ZNF189: variants seen among roughly 807,000 people sequenced by gnomAD.
The protein encoded by ZNF189 is zinc finger protein 189.
A neutral mutation model predicts 53.5 loss-of-function variants in ZNF189; 33 were observed. The ratio of observed to expected loss-of-function variants is 0.62; its 90% CI spans 0.47 to 0.82. ZNF189 has a LOEUF of 0.82. Ranked by LOEUF, ZNF189 falls within the 40% of genes least tolerant of loss-of-function variation. The pLI is 0.00. For synonymous variants in ZNF189, 247 were observed against 238.8 expected, an observed-to-expected ratio of 1.03 and a Z score of -0.32; for missense variants, 711 against 753.9, an observed-to-expected ratio of 0.94 and a Z score of 0.67.
chr9:101,409,026 A>G lies in ZNF189; in HGVS notation c.1258A>G (p.Arg420Gly). ...SRSSGLIQHQ[R>G]IHTREKTYPY... ...AAGCTCAGGTCTTATTCAGCATCAG[A>G]GAATTCACACCAGGGAGAAGACTTA... Residue 420 changes from arginine (R) to glycine (G), a missense_variant, in exon 3 of 3, where the codon AGA (arginine) becomes GGA (glycine). Physicochemically the swap from Arg to Gly is moderately radical, Grantham distance 125. Coordinates refer to ENST00000339664, the MANE Select transcript of ZNF189 (RefSeq NM_003452.4). The G allele has an allele frequency of 6.2e-7, 1 of 1,614,184 alleles. No homozygotes were observed. The highest frequency in any genetic ancestry group is 1.1e-5 in the South Asian group (1 of 91,084).
chr9:101,408,845 T>G lies in ZNF189; in HGVS notation c.1077T>G (p.Leu359=). Residue 359 remains leucine (L), a synonymous_variant, in exon 3 of 3, where the codon CTT becomes CTG. Coordinates refer to ENST00000339664, the MANE Select transcript of ZNF189 (RefSeq NM_003452.4). ...AAAGTTTCAGTCGGAGCTCATTCCT[T>G]ATTGAACATCAGAGGATCCATACTG... ...CGKSFSRSSF[L]IEHQRIHTGE... is the part of the protein sequence containing the mutation. 6.2e-7 allele frequency: 1 copy of G among 1,614,160 alleles called. No homozygotes were observed. The highest frequency in any genetic ancestry group is 8.5e-7 in the Non-Finnish European group (1 of 1,180,022).
At chr9:101,404,645 A>G (rs1277881641) in intron 2 of ZNF189, among the ~76,000 whole-genome samples, 1 of 152,198 alleles carries the variant, frequency 6.6e-6, no homozygotes, top group African/African-American at 2.4e-5. Flanking sequence ...TGTTATGATT[A>G]TATTTTCATT....
Position 101,410,405 on chromosome 9 carries a change from G to A in ZNF189, c.*756G>A, listed in dbSNP as rs1830899675. On this transcript the variant is annotated 3_prime_UTR_variant, in exon 3 of 3. Transcript: ENST00000339664. ...GAGATATTTGTAGTCCTATGTGAAT[G>A]AGCTTATCCCTCCACAACCAGGTGC... 1 of 152,514 alleles carries A rather than the reference G, an allele frequency of 6.6e-6. No individual in the cohort carries two copies. The highest frequency in any genetic ancestry group is 6.5e-5 in the Admixed American group (1 of 15,268). 9.4% of individuals were successfully genotyped at this position (152,514 alleles called of 1,614,324 possible). A position where few individuals can be genotyped will look rare whatever the true frequency, so the allele number is the denominator to read the frequency against.
At chr9:101,399,373 CTTTTT>C in intron 1 of ZNF189, 184 bp downstream of exon 1, 2 of 1,061,166 alleles carry the variant, frequency 1.9e-6, no homozygotes, top group African/African-American at 1.7e-5. Context: ...CACTGGCTCC[CTTTTT>C]TTTTTTCTTT....
chr9:101,400,858 A>G (rs568982219), intron 2 of ZNF189, among the ~76,000 whole-genome samples: 1 of 152,334 alleles, frequency 6.6e-6, no homozygotes, highest in South Asian at 2.1e-4. Flanking sequence ...GGTAACCAAA[A>G]CAGACAGGCT....
chr9:101,403,911 C>CT (rs1830622783), intron 2 of ZNF189, among the ~76,000 whole-genome samples: 1 of 152,138 alleles, frequency 6.6e-6, no homozygotes, highest in African/African-American at 2.4e-5. Flanking sequence ...CTTTTTTCTC[C>CT]TTGACGGTTT....
At position 101,409,665 on chromosome 9, in the gene ZNF189, TA is replaced by T; in HGVS notation, c.*18del. ...GATGCAATAAATGTAGAGCAATACA[TA>T]AGCTCAATTTGATTTGAGACTAGTA... On this transcript the variant is annotated 3_prime_UTR_variant, in exon 3 of 3. Transcript: ENST00000339664. The T allele has an allele frequency of 6.4e-7, 1 of 1,574,606 alleles. No homozygotes were observed. The highest frequency in any genetic ancestry group is 1.2e-5 in the South Asian group (1 of 84,530).
Position 101,400,030 on chromosome 9 carries a change from C to G in ZNF189, c.160+20C>G. 1 of 1,610,574 alleles carries G rather than the reference C, an allele frequency of 6.2e-7. No homozygotes were observed. Among genetic ancestry groups the G allele is most frequent in the East Asian group, 2.2e-5 (1 of 44,846 alleles). On this transcript the variant is annotated intron_variant, in intron 2 of 2. Coordinates refer to ENST00000339664, the MANE Select transcript of ZNF189 (RefSeq NM_003452.4). ...CACTGGGTAAGAATCTGCTGTTTCT[C>G]TAATTAAAATATCTAAGAAGGTAGA...
chr9:101,400,092 A>G (rs766786747), intron 2 of ZNF189, 82 bp downstream of exon 2: 227 of 1,542,250 alleles, frequency 1.5e-4, no homozygotes, highest in Non-Finnish European at 1.8e-4. Context: ...GACGGAAACC[A>G]GTACCAAAAC....
Position 101,399,750 on chromosome 9 carries a change from C to T in ZNF189, c.34-134C>T. The T allele has an allele frequency of 2.1e-6, 3 of 1,424,446 alleles. No individual in the cohort carries two copies. The African/African-American group carries it at 4.3e-5, about 20-fold the overall frequency. 88.2% of individuals were successfully genotyped at this position (1,424,446 alleles called of 1,614,324 possible). On this transcript the variant is annotated intron_variant, in intron 1 of 2. Transcript: ENST00000339664. ...GTTACAGTTCGTTCCCAGAATTGGG[C>T]AACATATGGAACTTTCAGTTATCAT...
rs1352376953 is a variant in ZNF189 at position 101,399,179 on chromosome 9, C to T, written c.23C>T (p.Pro8Leu). Reference protein sequence around the residue: MASPSPPPESKGLLTFED... With the variant: MASPSPPLESKGLLTFED... ...GAGATGGCTTCCCCGAGCCCCCCGCCGGAGTCGAAGGTAAGTAAGCACCCC... is the reference window on the plus strand; with the variant it reads ...GAGATGGCTTCCCCGAGCCCCCCGCTGGAGTCGAAGGTAAGTAAGCACCCC... Residue 8 changes from proline (P) to leucine (L), a missense_variant, in exon 1 of 3, where the codon CCG becomes CTG. Coordinates refer to ENST00000339664, the MANE Select transcript of ZNF189 (RefSeq NM_003452.4). 9 of 1,595,484 alleles carry T rather than the reference C, an allele frequency of 5.6e-6. No individual in the cohort carries two copies. Among genetic ancestry groups the T allele is most frequent in the Non-Finnish European group, 7.7e-6 (9 of 1,165,220 alleles).
chr9:101,400,480 A>G (rs911525078), intron 2 of ZNF189, among the ~76,000 whole-genome samples: 3 of 152,022 alleles, frequency 2.0e-5, no homozygotes, highest in African/African-American at 7.2e-5. Flanking sequence ...GTTATTGTTC[A>G]CTCAGCTTTT....
Position 101,399,873 on chromosome 9 carries a change from T to C in ZNF189, c.34-11T>C, listed in dbSNP as rs1830468050. The stretch of plus-strand genomic sequence containing the variant: ...CAACAGGAACTGACTACAGAAATCA[T>C]ACTATTTCAGGGGTTGCTGACATTT... On this transcript the variant is annotated splice_polypyrimidine_tract_variant and intron_variant, in intron 1 of 2. Coordinates refer to ENST00000339664, the MANE Select transcript of ZNF189 (RefSeq NM_003452.4). The C allele has an allele frequency of 1.2e-6, 2 of 1,614,046 alleles. No individual in the cohort carries two copies. Among genetic ancestry groups the C allele is most frequent in the Admixed American group, 3.3e-5 (2 of 60,006 alleles).
intron 2 of ZNF189, among the ~76,000 whole-genome samples, chr9:101,401,858 CT>C (rs1227204964): frequency 6.6e-6 from 1 of 152,068 alleles, no homozygotes; most frequent in East Asian, 1.9e-4. Context: ...AGTCTGTACT[CT>C]TTCCTTGGGG....
rs574907964 is a variant in ZNF189, at chr9:101,410,318, T to C, written c.*669T>C. On this transcript the variant is annotated 3_prime_UTR_variant, in exon 3 of 3. Coordinates refer to ENST00000339664, the MANE Select transcript of ZNF189 (RefSeq NM_003452.4). ...AACCTTTGGGAGTGCCTTTTTTGTT[T>C]TTCAAGATGGACCCAAAAAAGTGGA... is the stretch of plus-strand genomic sequence containing the variant. 6.5e-6 allele frequency: 1 copy of C among 152,760 alleles called. No homozygotes were observed. Among genetic ancestry groups the C allele is most frequent in the East Asian group, 1.9e-4 (1 of 5,190 alleles). 9.5% of individuals were successfully genotyped at this position (152,760 alleles called of 1,614,324 possible).
Position 101,410,125 on chromosome 9 carries a change from C to T in ZNF189, c.*476C>T, listed in dbSNP as rs1254720508. 6.5e-6 allele frequency: 1 copy of T among 153,804 alleles called. No individual in the cohort carries two copies. The highest frequency in any genetic ancestry group is 2.4e-5 in the African/African-American group (1 of 41,456). 9.5% of individuals were successfully genotyped at this position (153,804 alleles called of 1,614,324 possible). ...AAACAAAGCCCAAATGTTTTTAAAA[C>T]AAGTATACAGTTTTTGTCATTGTTT... is the stretch of plus-strand genomic sequence containing the variant. On this transcript the variant is annotated 3_prime_UTR_variant, in exon 3 of 3. Transcript: ENST00000339664.
In ZNF189 at chr9:101,399,065, C is replaced by T; in HGVS notation, c.-92C>T. 1 of 913,060 alleles carries T rather than the reference C, an allele frequency of 1.1e-6. No individual in the cohort carries two copies. The highest frequency in any genetic ancestry group is 2.5e-5 in the East Asian group (1 of 39,854). The allele number at this position is 913,060 out of a possible 1,614,324, so 56.6% of individuals were successfully genotyped here. A position where few individuals can be genotyped will look rare whatever the true frequency, so the allele number is the denominator to read the frequency against. ...CCCAGCCAGGGATCCTCGTATTCGT[C>T]GAGCCTAATTTCCAGCAGCCGGGTA... On this transcript the variant is annotated 5_prime_UTR_variant, in exon 1 of 3. Coordinates refer to ENST00000339664, the MANE Select transcript of ZNF189 (RefSeq NM_003452.4).
chr9:101,402,071 A>G (rs1291060151), intron 2 of ZNF189, among the ~76,000 whole-genome samples: 1 of 152,014 alleles, frequency 6.6e-6, no homozygotes, highest in African/African-American at 2.4e-5. Flanking sequence ...ATGCACCGCC[A>G]CACCCAGCTA....
intron 2 of ZNF189, among the ~76,000 whole-genome samples, chr9:101,404,513 C>T (rs1340210980): frequency 6.6e-6 from 1 of 152,068 alleles, no homozygotes; most frequent in African/African-American, 2.4e-5. Flanking sequence ...TTTTATGGAT[C>T]TTACACATTT....
Sources: gnomAD v4.1 joint callset for allele counts (sites outside exome capture counted in the v4.1 genomes callset) on GRCh38, gnomAD v4.1.1 for gene constraint, MANE v1.5 for transcripts, NCBI Gene and HGNC (gene_info 2026-07-23, HGNC 2026-07-21) for gene names.